The following S100A13 variants were observed in gnomAD, a reference collection of about 807,000 sequenced individuals.
S100A13 encodes S100 calcium binding protein A13, also known as protein S100-A13.
S100A13 carries 6 observed loss-of-function variants against 8.2 expected under a neutral mutation model. That is an observed-to-expected ratio of 0.73 (90% CI 0.40 to 1.44). The LOEUF is 1.44. Among genes scored for constraint, S100A13 ranks in the 40% most tolerant of loss-of-function variants. S100A13 has a pLI of 0.02. For missense variants in S100A13, 114 were observed against 113.6 expected (o/e 1.00, Z -0.02); for synonymous variants, 39 against 45.9 (o/e 0.85, Z 0.61).
upstream of S100A13, chr1:153,630,873 G>A (rs1352751896): frequency 5.1e-6 from 3 of 583,306 alleles, no homozygotes; most frequent in African/African-American, 5.6e-5. Flanking sequence ...TTAAGTGTTA[G>A]GCCCTGTGTA....
rs1283885643 is a variant in S100A13, at chr1:153,618,986, G to A, written c.206C>T (p.Ser69Leu). The A allele has an allele frequency of 5.6e-6, 9 of 1,613,588 alleles. No homozygotes were observed. The highest frequency in any genetic ancestry group is 5.0e-5 in the Admixed American group (3 of 59,982). The change falls in exon 3 of 3, where the codon TCG becomes TTG. Residue 69 changes from serine (S) to leucine (L), a missense_variant. Coordinates refer to ENST00000476133, the MANE Select transcript of S100A13 (RefSeq NM_001024211.2). ...KMKSLDVNQD[S>L]ELKFNEYWRL... ...CCAGTACTCATTGAACTTGAGCTCC[G>A]AGTCCTGATTCACATCCAAGCTCTT...
At chr1:153,631,977 C>G, upstream of S100A13, 1 of 982,024 alleles carries the variant, frequency 1.0e-6, no homozygotes, top group Non-Finnish European at 1.4e-6. Context: ...CCACCAAGGG[C>G]GCAAGAGTAG....
intron 2 of S100A13, among the ~76,000 whole-genome samples, chr1:153,625,987 G>A (rs960388190): frequency 6.6e-6 from 1 of 152,142 alleles, no homozygotes; most frequent in Non-Finnish European, 1.5e-5. Flanking sequence ...GGCCAACCTG[G>A]TGAAACCCTG....
chr1:153,625,630 G>A (rs1012148870), intron 2 of S100A13, among the ~76,000 whole-genome samples: 2 of 152,234 alleles, frequency 1.3e-5, no homozygotes, highest in Non-Finnish European at 2.9e-5. Context: ...TATGTGAAGT[G>A]AGGAATGCGG....
At chr1:153,625,439 A>G (rs1173457586) in intron 2 of S100A13, among the ~76,000 whole-genome samples, 4 of 152,250 alleles carry the variant, frequency 2.6e-5, no homozygotes, top group Admixed American at 1.3e-4. Flanking sequence ...ACCTGACTCC[A>G]GCCTGTGAGT....
chr1:153,623,194 CT>C (rs199807364), intron 2 of S100A13, among the ~76,000 whole-genome samples: 1 of 151,240 alleles, frequency 6.6e-6, no homozygotes, highest in Non-Finnish European at 1.5e-5. Flanking sequence ...AGAGGAAAGT[CT>C]TTTTTTTTGA....
chr1:153,629,510 G>T (rs930954641), upstream of S100A13: 1 of 152,332 alleles, frequency 6.6e-6, no homozygotes, highest in Non-Finnish European at 1.5e-5. Context: ...GACTGTCCCA[G>T]GGCCAAGGGA....
At chr1:153,626,750 T>A in intron 1 of S100A13, 2 of 370,790 alleles carry the variant, frequency 5.4e-6, no homozygotes, top group Non-Finnish European at 1.0e-5. Context: ...AGAAACCCCC[T>A]CTTCTGTAGG....
At chr1:153,623,410 C>T (rs1471620925) in intron 2 of S100A13, among the ~76,000 whole-genome samples, 1 of 149,652 alleles carries the variant, frequency 6.7e-6, no homozygotes, top group Non-Finnish European at 1.5e-5. Context: ...TCCTTTGAGA[C>T]AGTCTCCCTC....
chr1:153,630,434 T>C (rs976823568), upstream of S100A13: 110 of 1,558,292 alleles, frequency 7.1e-5, no homozygotes, highest in Non-Finnish European at 7.7e-5. Context: ...GGGCCAGTCC[T>C]GAGGGTTCCC....
intron 2 of S100A13, among the ~76,000 whole-genome samples, chr1:153,625,817 C>T (rs1342495198): frequency 6.6e-6 from 1 of 152,216 alleles, no homozygotes; most frequent in African/African-American, 2.4e-5. Flanking sequence ...AGTATCTTTG[C>T]TTACCTAATT....
chr1:153,631,678 T>C, upstream of S100A13: 1 of 1,614,058 alleles, frequency 6.2e-7, no homozygotes, highest in Non-Finnish European at 8.5e-7. Context: ...CACCTCCCTC[T>C]TCCTCTCCTC....
chr1:153,632,571 G>GAAA (rs1178786858), upstream of S100A13, among the ~76,000 whole-genome samples: 1 of 151,982 alleles, frequency 6.6e-6, no homozygotes, highest in Non-Finnish European at 1.5e-5. Context: ...GCGCTAGGCC[G>GAAA]AAAGAATCTT....
chr1:153,628,559 G>A (rs201734030), upstream of S100A13: 1 of 1,543,448 alleles, frequency 6.5e-7, no homozygotes, highest in African/African-American at 1.4e-5. Context: ...GGGGTCTTCA[G>A]AAGGGCTCCA....
chr1:153,629,891 GA>G (rs1278551755), upstream of S100A13: 1 of 153,214 alleles, frequency 6.5e-6, no homozygotes, highest in Non-Finnish European at 1.5e-5. Flanking sequence ...AGAGTTGAAG[GA>G]CCAAAAGGGG....
At chr1:153,632,416 C>T (rs1009593944), upstream of S100A13, among the ~76,000 whole-genome samples, 2 of 151,586 alleles carry the variant, frequency 1.3e-5, no homozygotes, top group African/African-American at 4.8e-5. Context: ...GGACTACAGG[C>T]GCCTGCCACC....
chr1:153,631,483 A>C, upstream of S100A13: 1 of 1,603,430 alleles, frequency 6.2e-7, no homozygotes, highest in Non-Finnish European at 8.5e-7. Context: ...ACATACGGTA[A>C]CTGGTGTCAT....
upstream of S100A13, chr1:153,629,873 G>T (rs1667905210): frequency 6.5e-6 from 1 of 152,752 alleles, no homozygotes; most frequent in African/African-American, 2.4e-5. Context: ...ACATGTTCAG[G>T]AGAGAACAGA....
At chr1:153,625,894 G>A (rs1667584442) in intron 2 of S100A13, among the ~76,000 whole-genome samples, 1 of 152,224 alleles carries the variant, frequency 6.6e-6, no homozygotes, top group Admixed American at 6.5e-5. Flanking sequence ...CGGGTCAGGC[G>A]CAGTGGCTTG....
Sources: gnomAD v4.1 joint callset for allele counts (sites outside exome capture counted in the v4.1 genomes callset) on GRCh38, gnomAD v4.1.1 for gene constraint, MANE v1.5 for transcripts, NCBI Gene and HGNC (gene_info 2026-07-23, HGNC 2026-07-21) for gene names.